VSIG10L2: variants seen among roughly 807,000 people sequenced by gnomAD.
VSIG10L2 encodes the protein V-set and immunoglobulin domain containing 10 like 2.
Under a neutral mutation model 67.1 loss-of-function variants are expected in VSIG10L2, and 56 were observed. The observed-to-expected ratio is 0.83, with a 90% CI of 0.67 to 1.04. The LOEUF is 1.04. Among genes scored for constraint, VSIG10L2 ranks in the 50% least tolerant of loss-of-function variants. The probability of loss-of-function intolerance (pLI) is 0.00; values close to 1 mark genes in which losing one functional copy is unlikely to be tolerated. For missense variants in VSIG10L2, 843 were observed against 932.8 expected, an observed-to-expected ratio of 0.90 and a Z score of 1.25; for synonymous variants, 360 against 396.6, an observed-to-expected ratio of 0.91 and a Z score of 1.10.
At chr11:125,949,786 G>T (rs2134303181) in intron 3 of VSIG10L2, among the ~76,000 whole-genome samples, 1 of 152,302 alleles carries the variant, frequency 6.6e-6, no homozygotes, top group African/African-American at 2.4e-5. Context: ...AGTCCCTCCA[G>T]GAAGTGCCCA....
chr11:125,954,207 G>A lies in VSIG10L2; in HGVS notation c.1907G>A (p.Arg636Gln), dbSNP rs555404842. 168 of 1,232,216 alleles carry A rather than the reference G, an allele frequency of 1.4e-4. No individual in the cohort carries two copies. The highest frequency in any genetic ancestry group is 3.1e-4 in the Middle Eastern group (1 of 3,208). 76.3% of individuals were successfully genotyped at this position (1,232,216 alleles called of 1,614,324 possible). A position where few individuals can be genotyped will look rare whatever the true frequency, so the allele number is the denominator to read the frequency against. Residue 636 changes from arginine to glutamine, a missense_variant, in exon 8 of 12, where the codon CGG becomes CAG. Coordinates refer to ENST00000686984, the MANE Select transcript of VSIG10L2 (RefSeq NM_001365077.2). ...PGNLTGFLVQ[R>Q]KASALGPGAG... Reference sequence around the variant, plus strand: ...AACCTGACGGGCTTCCTGGTGCAGCGGAAGGCCAGTGCCCTGGGCCCAGGA... The same window carrying A: ...AACCTGACGGGCTTCCTGGTGCAGCAGAAGGCCAGTGCCCTGGGCCCAGGA...
chr11:125,949,343 G>A (rs1004002979), intron 3 of VSIG10L2, among the ~76,000 whole-genome samples: 3 of 152,280 alleles, frequency 2.0e-5, no homozygotes, highest in South Asian at 2.1e-4. Flanking sequence ...TCTGGCATCC[G>A]CCTATTGGAC....
chr11:125,949,203 TG>T (rs1210892005), intron 3 of VSIG10L2, among the ~76,000 whole-genome samples: 3 of 152,250 alleles, frequency 2.0e-5, no homozygotes, highest in African/African-American at 7.2e-5. Context: ...TGGATATATT[TG>T]GTTAAATAAA....
Position 125,954,161 on chromosome 11 carries a change from T to C in VSIG10L2, c.1861T>C (p.Trp621Arg). Reference sequence around the variant, plus strand: ...GCACCGGAGAGAGGTGCAGCTTCAATGGGCCATCTTAGGACCCGGGAACCT... The same window carrying C: ...GCACCGGAGAGAGGTGCAGCTTCAACGGGCCATCTTAGGACCCGGGAACCT... ...GRHRREVQLQWAILGPGNLTG... is the reference protein window; with the variant it reads ...GRHRREVQLQRAILGPGNLTG... Residue 621 changes from tryptophan to arginine, a missense_variant, in exon 8 of 12, where the codon TGG (tryptophan) becomes CGG (arginine). Transcript: ENST00000686984. The C allele has an allele frequency of 8.1e-7, 1 of 1,232,212 alleles. No homozygotes were observed. The highest frequency in any genetic ancestry group is 1.0e-6 in the Non-Finnish European group (1 of 988,040). 76.3% of individuals were successfully genotyped at this position (1,232,212 alleles called of 1,614,324 possible). A position where few individuals can be genotyped will look rare whatever the true frequency, so the allele number is the denominator to read the frequency against.
chr11:125,947,308 C>T (rs889078129), intron 1 of VSIG10L2: 10 of 428,002 alleles, frequency 2.3e-5, no homozygotes, highest in Non-Finnish European at 3.1e-5. Context: ...GATCTTGGGG[C>T]GCTTGTTACA....
In VSIG10L2 at chr11:125,955,797, C is replaced by A; in HGVS notation, c.2285-20C>A. ...TCCCAAAGCATCCCTCTGTTCTTTG[C>A]CCACATATGCTCTTCATAGGCCTTG... On this transcript the variant is annotated intron_variant, in intron 11 of 11. Transcript: ENST00000686984. 1 of 839,852 alleles carries A rather than the reference C, an allele frequency of 1.2e-6. No individual in the cohort carries two copies. Among genetic ancestry groups the A allele is most frequent in the Non-Finnish European group, 1.9e-6 (1 of 513,258 alleles). 52.0% of individuals were successfully genotyped at this position (839,852 alleles called of 1,614,324 possible).
chr11:125,955,776 A>T, intron 11 of VSIG10L2, 41 bp from the exon 12 acceptor site: 1 of 949,564 alleles, frequency 1.1e-6, no homozygotes, highest in Non-Finnish European at 1.6e-6. Context: ...GGACACTCCC[A>T]AAGCATCCCT....
At chr11:125,951,410 G>T (rs1945368029) in intron 5 of VSIG10L2, among the ~76,000 whole-genome samples, 1 of 152,120 alleles carries the variant, frequency 6.6e-6, no homozygotes, top group Non-Finnish European at 1.5e-5. Flanking sequence ...CTGCCTGCAG[G>T]GTCAGCAGGC....
Position 125,954,265 on chromosome 11 carries a change from C to T in VSIG10L2, c.1965C>T (p.Ile655=), listed in dbSNP as rs1309399257. ...AGAWETAASD[I]EPESRGRRLG... is the part of the protein sequence containing the mutation. ...CGTGGGAGACAGCAGCTAGTGACAT[C>T]GAGCCAGAGAGCCGAGGACGGCGGC... Residue 655 remains isoleucine (I), a synonymous_variant, in exon 8 of 12, where the codon ATC becomes ATT. Coordinates refer to ENST00000686984, the MANE Select transcript of VSIG10L2 (RefSeq NM_001365077.2). 5 of 1,232,098 alleles carry T rather than the reference C, an allele frequency of 4.1e-6. No homozygotes were observed. Among genetic ancestry groups the T allele is most frequent in the Middle Eastern group, 3.1e-4 (1 of 3,232 alleles). 76.3% of individuals were successfully genotyped at this position (1,232,098 alleles called of 1,614,324 possible).
chr11:125,955,673 C>A lies in VSIG10L2; in HGVS notation c.2284+6C>A. The A allele has an allele frequency of 6.5e-7, 1 of 1,533,386 alleles. No individual in the cohort carries two copies. The allele number at this position is 1,533,386 out of a possible 1,614,324, so 95.0% of individuals were successfully genotyped here. A position where few individuals can be genotyped will look rare whatever the true frequency, so the allele number is the denominator to read the frequency against. On this transcript the variant is annotated splice_donor_region_variant and intron_variant, in intron 11 of 11. Coordinates refer to ENST00000686984, the MANE Select transcript of VSIG10L2 (RefSeq NM_001365077.2). ...AGATGCTGAGGCACCGGCAGGTAAG[C>A]ACCTTATCCAGAAAAAGACGACTCG...
chr11:125,953,533 G>A lies in VSIG10L2; in HGVS notation c.1629G>A (p.Val543=), dbSNP rs1945406892. Reference sequence around the variant, plus strand: ...GGCTGGGGCCTCAACAACAAAAAGTGGACCCCGGCACTTCAGGATTCATGC... The same window carrying A: ...GGCTGGGGCCTCAACAACAAAAAGTAGACCCCGGCACTTCAGGATTCATGC... ...LLWLGPQQQK[V]DPGTSGFMLH... The change falls in exon 7 of 12, where the codon GTG becomes GTA. Residue 543 remains valine (V), a synonymous_variant. Coordinates refer to ENST00000686984, the MANE Select transcript of VSIG10L2 (RefSeq NM_001365077.2). 4.9e-6 allele frequency: 6 copies of A among 1,232,136 alleles called. No individual in the cohort carries two copies. The highest frequency in any genetic ancestry group is 6.1e-6 in the Non-Finnish European group (6 of 988,070). 76.3% of individuals were successfully genotyped at this position (1,232,136 alleles called of 1,614,324 possible).
At chr11:125,948,623 A>C (rs1375055655) in intron 3 of VSIG10L2, 43 bp downstream of exon 3, 2 of 1,231,234 alleles carry the variant, frequency 1.6e-6, no homozygotes, top group African/African-American at 3.1e-5. Flanking sequence ...GCTGACACCC[A>C]TCTCCCCATC....
Position 125,948,583 on chromosome 11 carries a change from GAGTC to G in VSIG10L2, c.709+6_709+9del. On this transcript the variant is annotated splice_donor_5th_base_variant and intron_variant, in intron 3 of 11. Transcript: ENST00000686984. The stretch of plus-strand genomic sequence containing the variant: ...CGGGGCCTTCCTGGACGTCATTTGT[GAGTC>G]AGACTGTGGTGGGGGGGCTGTCAGG... 23 of 1,232,198 alleles carry G rather than the reference GAGTC, an allele frequency of 1.9e-5. No homozygotes were observed. Among genetic ancestry groups the G allele is most frequent in the Non-Finnish European group, 2.2e-5 (22 of 988,106 alleles). The allele number at this position is 1,232,198 out of a possible 1,614,324, so 76.3% of individuals were successfully genotyped here.
At position 125,955,100 on chromosome 11, in the gene VSIG10L2, A is replaced by C; in HGVS notation, c.2127A>C (p.Ala709=). Residue 709 remains alanine (A), a synonymous_variant, in exon 9 of 12, where the codon GCA becomes GCC. Coordinates refer to ENST00000686984, the MANE Select transcript of VSIG10L2 (RefSeq NM_001365077.2). ...FSAYPAVLGA[A]GTGMVVATVA... ...CCTACCCAGCGGTGTTGGGTGCAGCAGGCACGGGAATGGTGGTAGCAACGG... is the reference window on the plus strand; with the variant it reads ...CCTACCCAGCGGTGTTGGGTGCAGCCGGCACGGGAATGGTGGTAGCAACGG... 8.1e-7 allele frequency: 1 copy of C among 1,239,294 alleles called. No individual in the cohort carries two copies. Among genetic ancestry groups the C allele is most frequent in the Middle Eastern group, 3.1e-4 (1 of 3,226 alleles). The allele number at this position is 1,239,294 out of a possible 1,614,324, so 76.8% of individuals were successfully genotyped here.
In VSIG10L2 at chr11:125,955,638, G is replaced by T. The variant is rs967924918; in HGVS notation, c.2255G>T (p.Gly752Val). 4 of 1,531,734 alleles carry T rather than the reference G, an allele frequency of 2.6e-6. No individual in the cohort carries two copies. Among genetic ancestry groups the T allele is most frequent in the African/African-American group, 1.4e-5 (1 of 72,964 alleles). 94.9% of individuals were successfully genotyped at this position (1,531,734 alleles called of 1,614,324 possible). A position where few individuals can be genotyped will look rare whatever the true frequency, so the allele number is the denominator to read the frequency against. Residue 752 changes from glycine to valine, a missense_variant, in exon 11 of 12, where the codon GGT becomes GTT. Transcript: ENST00000686984. ...AGGGAGCAAAGGCACCAACAGAGGG[G>T]TTCCAGAGAAGATGCTGAGGCACCG... ...VPTEQRHQQR[G>V]SREDAEAPAG...
Position 125,955,894 on chromosome 11 carries a change from A to G in VSIG10L2, c.2362A>G (p.Thr788Ala), listed in dbSNP as rs1945464615. 2.9e-6 allele frequency: 2 copies of G among 680,196 alleles called. No individual in the cohort carries two copies. Among genetic ancestry groups the G allele is most frequent in the East Asian group, 5.4e-5 (2 of 37,220 alleles). 42.1% of individuals were successfully genotyped at this position (680,196 alleles called of 1,614,324 possible). ...GGATTCTCCAGTGAATGTCACCATC[A>G]CAGTGACTGCAACACCATAAGGCCC... ...TTDSPVNVTI[T>A]VTATP The change falls in exon 12 of 12, where the codon ACA (threonine) becomes GCA (alanine). Residue 788 changes from threonine to alanine, a missense_variant. Thr to Ala is a moderately conservative substitution (Grantham distance 58, BLOSUM62 0). This residue lies in a region of VSIG10L2 where 397 missense variants were observed against 384.4 expected (regional missense o/e 1.03). Coordinates refer to ENST00000686984, the MANE Select transcript of VSIG10L2 (RefSeq NM_001365077.2).
intron 3 of VSIG10L2, among the ~76,000 whole-genome samples, chr11:125,949,652 T>G (rs1488523322): frequency 6.6e-6 from 1 of 152,168 alleles, no homozygotes; most frequent in African/African-American, 2.4e-5. Context: ...ATCATCCCAC[T>G]GTAGTATCTT....
At position 125,946,089 on chromosome 11, in the gene VSIG10L2, A is replaced by C. The variant is rs1038055332; in HGVS notation, c.34A>C (p.Ser12Arg). 3 of 399,002 alleles carry C rather than the reference A, an allele frequency of 7.5e-6. No individual in the cohort carries two copies. The highest frequency in any genetic ancestry group is 6.2e-5 in the African/African-American group (3 of 48,598). The allele number at this position is 399,002 out of a possible 1,614,324, so 24.7% of individuals were successfully genotyped here. ...VGQRAQHSPV[S>R]LLLLIHLCLL... ...TCAGAGGGCCCAGCACAGCCCAGTC[A>C]GCCTCCTGCTGCTGATACACCTCTG... The change falls in exon 1 of 12, where the codon AGC becomes CGC. Residue 12 changes from serine (S) to arginine (R), a missense_variant. Physicochemically the swap from Ser to Arg is moderately radical, Grantham distance 110. This residue lies in a region of VSIG10L2 where 446 missense variants were observed against 548.4 expected (regional missense o/e 0.81). Transcript: ENST00000686984. The surrounding 1 kb of genome is among the most constrained non-coding windows in gnomAD (Gnocchi z 4.4).
chr11:125,955,071 A>G lies in VSIG10L2; in HGVS notation c.2098A>G (p.Ser700Gly), dbSNP rs1004366578. The change falls in exon 9 of 12, where the codon AGC becomes GGC. Residue 700 changes from serine (S) to glycine (G), a missense_variant. Physicochemically the swap from Ser to Gly is moderately conservative, Grantham distance 56. This residue lies in a region of VSIG10L2 where 397 missense variants were observed against 384.4 expected (regional missense o/e 1.03). Transcript: ENST00000686984. ...EVKIPADPPF[S>G]AYPAVLGAAG... The stretch of plus-strand genomic sequence containing the variant: ...TCCCCTCCTAGCGGACCCCCCCTTC[A>G]GCGCCTACCCAGCGGTGTTGGGTGC... 8.1e-7 allele frequency: 1 copy of G among 1,235,270 alleles called. No individual in the cohort carries two copies. Among genetic ancestry groups the G allele is most frequent in the Non-Finnish European group, 1.0e-6 (1 of 990,332 alleles). The allele number at this position is 1,235,270 out of a possible 1,614,324, so 76.5% of individuals were successfully genotyped here. A position where few individuals can be genotyped will look rare whatever the true frequency, so the allele number is the denominator to read the frequency against.
Sources: gnomAD v4.1 joint callset for allele counts (sites outside exome capture counted in the v4.1 genomes callset) on GRCh38, gnomAD v4.1.1 for gene constraint, gnomAD v4.1.1 regional missense constraint, Gnocchi (gnomAD v3.1) non-coding constraint, MANE v1.5 for transcripts, NCBI Gene and HGNC (gene_info 2026-07-23, HGNC 2026-07-21) for gene names.